KIF13A: variants seen among roughly 807,000 people sequenced by gnomAD.
KIF13A encodes kinesin family member 13A.
Under a neutral mutation model 212.2 loss-of-function variants are expected in KIF13A, and 79 were observed. The observed-to-expected ratio is 0.37, with a 90% CI of 0.31 to 0.45. The LOEUF (loss-of-function observed/expected upper bound fraction) is 0.45. KIF13A is among the 20% of genes least tolerant of loss of function. KIF13A has a pLI of 1.00. For synonymous variants in KIF13A, 789 were observed against 808.6 expected, an observed-to-expected ratio of 0.98 and a Z score of 0.41; for missense variants, 1,901 against 2,209.0, an observed-to-expected ratio of 0.86 and a Z score of 2.79.
At chr6:17,846,130 A>G (rs1473216537) in intron 9 of KIF13A, among the ~76,000 whole-genome samples, 1 of 114,722 alleles carries the variant, frequency 8.7e-6, no homozygotes, top group African/African-American at 3.5e-5. Flanking sequence ...TGATTTTTGT[A>G]TTTTTAGTAA....
intron 3 of KIF13A, among the ~76,000 whole-genome samples, chr6:17,896,516 G>C (rs1196677082): frequency 3.9e-5 from 6 of 152,152 alleles, no homozygotes; most frequent in South Asian, 2.1e-4. Context: ...TGATTCTATT[G>C]TGTCATTTAT....
intron 3 of KIF13A, among the ~76,000 whole-genome samples, chr6:17,893,739 T>C (rs534634358): frequency 2.6e-5 from 4 of 152,240 alleles, no homozygotes; most frequent in South Asian, 2.1e-4. Flanking sequence ...TTTTATCATA[T>C]TGAGGTTTCT....
intron 20 of KIF13A, among the ~76,000 whole-genome samples, chr6:17,802,593 CTTTT>C (rs898441786): frequency 2.7e-5 from 4 of 148,390 alleles, no homozygotes; most frequent in African/African-American, 9.9e-5. Flanking sequence ...CCCGGCCAAG[CTTTT>C]TTTTTTCTTT....
chr6:17,855,295 G>A lies in KIF13A; in HGVS notation c.494+142C>T, dbSNP rs1322334996. ...TGGGTATACCAAAAGGCTTTGAGAAGCTGATGATTTTTCTGTAAATGAATG... is the reference window on the plus strand; with the variant it reads ...TGGGTATACCAAAAGGCTTTGAGAAACTGATGATTTTTCTGTAAATGAATG... On this transcript the variant is annotated intron_variant, in intron 6 of 38. Transcript: ENST00000259711. The surrounding 1 kb of genome is among the most constrained non-coding windows in gnomAD (Gnocchi z 4.1). The A allele has an allele frequency of 4.7e-6, 3 of 637,352 alleles. No homozygotes were observed. Among genetic ancestry groups the A allele is most frequent in the Non-Finnish European group, 7.8e-6 (3 of 383,866 alleles). 39.5% of individuals were successfully genotyped at this position (637,352 alleles called of 1,614,324 possible). A position where few individuals can be genotyped will look rare whatever the true frequency, so the allele number is the denominator to read the frequency against.
chr6:17,783,588 A>T lies in KIF13A; in HGVS notation c.3544+58T>A. The T allele has an allele frequency of 1.8e-6, 2 of 1,094,300 alleles. No homozygotes were observed. The highest frequency in any genetic ancestry group is 2.7e-6 in the Non-Finnish European group (2 of 731,306). The allele number at this position is 1,094,300 out of a possible 1,614,324, so 67.8% of individuals were successfully genotyped here. Reference sequence around the variant, plus strand: ...AAGGATCAAAATAATGTGAATCTGGATAGATTACAAACCTTAGTTAAATAC... The same window carrying T: ...AAGGATCAAAATAATGTGAATCTGGTTAGATTACAAACCTTAGTTAAATAC... On this transcript the variant is annotated intron_variant, in intron 29 of 38. Transcript: ENST00000259711. The surrounding 1 kb of genome is among the most constrained non-coding windows in gnomAD (Gnocchi z 4.3).
Position 17,768,944 on chromosome 6 carries a change from T to G in KIF13A, c.4581+2170A>C, listed in dbSNP as rs1364269264. ...CCCAAATTGATCAAACAACAAAATA[T>G]TGCTTAAAGAATCAAGCATAGCCAT... On this transcript the variant is annotated intron_variant, in intron 38 of 38. Coordinates refer to ENST00000259711, the MANE Select transcript of KIF13A (RefSeq NM_022113.6). This position sits in a 1 kb window ranked among gnomAD's most constrained non-coding sequence, Gnocchi z 5.4. 6.6e-6 allele frequency among the ~76,000 whole-genome samples: 1 copy of G among 152,180 alleles called. No individual in the cohort carries two copies. Among genetic ancestry groups the G allele is most frequent in the Non-Finnish European group, 1.5e-5 (1 of 68,012 alleles).
In KIF13A at chr6:17,763,881, T is replaced by C; in HGVS notation, c.*229A>G. On this transcript the variant is annotated 3_prime_UTR_variant, in exon 39 of 39. Transcript: ENST00000259711. ...GATTGATCCTTATCCATCTGAACAC[T>C]TCATTCAACACCAACCCATGTGCCA... The C allele has an allele frequency of 7.1e-7, 1 of 1,400,034 alleles. No homozygotes were observed. The highest frequency in any genetic ancestry group is 1.4e-5 in the African/African-American group (1 of 69,240). The allele number at this position is 1,400,034 out of a possible 1,614,324, so 86.7% of individuals were successfully genotyped here.
intron 28 of KIF13A, among the ~76,000 whole-genome samples, chr6:17,784,112 C>T (rs1760842644): frequency 6.6e-6 from 1 of 152,180 alleles, no homozygotes; most frequent in Non-Finnish European, 1.5e-5. Flanking sequence ...AGAGACCAAG[C>T]AGTGTTTTAT....
intron 2 of KIF13A, among the ~76,000 whole-genome samples, chr6:17,975,215 G>A (rs544193223): frequency 4.6e-5 from 7 of 152,236 alleles, no homozygotes; most frequent in African/African-American, 1.4e-4. Flanking sequence ...CTAGCAGGCG[G>A]GGTGGCAGGT....
At chr6:17,800,966 T>C (rs1055589123) in intron 20 of KIF13A, among the ~76,000 whole-genome samples, 20 of 151,880 alleles carry the variant, frequency 1.3e-4, no homozygotes, top group African/African-American at 4.6e-4. Flanking sequence ...ACTCCTGACC[T>C]TGTGATCTGC....
At position 17,828,499 on chromosome 6, in the gene KIF13A, T is replaced by A; in HGVS notation, c.1402-129A>T. 1.4e-6 allele frequency: 1 copy of A among 701,516 alleles called. No individual in the cohort carries two copies. Among genetic ancestry groups the A allele is most frequent in the Non-Finnish European group, 2.2e-6 (1 of 449,724 alleles). 43.5% of individuals were successfully genotyped at this position (701,516 alleles called of 1,614,324 possible). A position where few individuals can be genotyped will look rare whatever the true frequency, so the allele number is the denominator to read the frequency against. On this transcript the variant is annotated intron_variant, in intron 13 of 38. Coordinates refer to ENST00000259711, the MANE Select transcript of KIF13A (RefSeq NM_022113.6). This position sits in a 1 kb window ranked among gnomAD's most constrained non-coding sequence, Gnocchi z 4.3. ...ATTAAACGAATCCTGCCAGAGATGTTAAATATCTTAAGCATTAAAAGTAAA... is the reference window on the plus strand; with the variant it reads ...ATTAAACGAATCCTGCCAGAGATGTAAAATATCTTAAGCATTAAAAGTAAA...
chr6:17,978,308 T>C (rs1005692155), intron 2 of KIF13A, among the ~76,000 whole-genome samples: 9 of 152,240 alleles, frequency 5.9e-5, no homozygotes, highest in Non-Finnish European at 1.3e-4. Flanking sequence ...AAACACCAAA[T>C]AAACTAATTT....
At position 17,768,361 on chromosome 6, in the gene KIF13A, C is replaced by T. The variant is rs993215980; in HGVS notation, c.4581+2753G>A. Among the ~76,000 whole-genome samples, 3 of 152,208 alleles carry T rather than the reference C, an allele frequency of 2.0e-5. No homozygotes were observed. Among genetic ancestry groups the T allele is most frequent in the African/African-American group, 7.2e-5 (3 of 41,450 alleles). On this transcript the variant is annotated intron_variant, in intron 38 of 38. Coordinates refer to ENST00000259711, the MANE Select transcript of KIF13A (RefSeq NM_022113.6). The surrounding 1 kb of genome is among the most constrained non-coding windows in gnomAD (Gnocchi z 5.4). ...CTTATGCAGCTGATATTTACCTATA[C>T]AGAAAACACCTTGATTTTAAAAAGG...
intron 33 of KIF13A, among the ~76,000 whole-genome samples, chr6:17,778,263 CATTTGCAAA>C (rs1301376201): frequency 2.0e-5 from 3 of 152,178 alleles, no homozygotes; most frequent in African/African-American, 7.2e-5. Flanking sequence ...CTATGTATCT[CATTTGCAAA>C]ATGACAATGA....
At chr6:17,922,706 G>A (rs1431734494) in intron 2 of KIF13A, among the ~76,000 whole-genome samples, 2 of 151,576 alleles carry the variant, frequency 1.3e-5, no homozygotes, top group African/African-American at 2.4e-5. Context: ...CTAAAACATG[G>A]GTTATCTGTG....
intron 20 of KIF13A, among the ~76,000 whole-genome samples, chr6:17,803,366 C>T (rs1198169712): frequency 6.6e-6 from 1 of 152,100 alleles, no homozygotes; most frequent in Non-Finnish European, 1.5e-5. Flanking sequence ...TCCTCTGGAG[C>T]AGAATGTCCA....
intron 19 of KIF13A, among the ~76,000 whole-genome samples, chr6:17,805,107 G>T (rs1762828723): frequency 6.6e-6 from 1 of 151,990 alleles, no homozygotes; most frequent in African/African-American, 2.4e-5. Flanking sequence ...ACACATTAAT[G>T]AATGCGAAAT....
chr6:17,930,571 T>C (rs1010598656), intron 2 of KIF13A, among the ~76,000 whole-genome samples: 2 of 152,202 alleles, frequency 1.3e-5, no homozygotes, highest in Admixed American at 6.5e-5. Context: ...AAAGGCTGAG[T>C]GGTACTGCCA....
chr6:17,813,427 C>T (rs188923283), intron 17 of KIF13A, among the ~76,000 whole-genome samples: 86 of 152,092 alleles, frequency 5.7e-4, no homozygotes, highest in African/African-American at 1.9e-3. Flanking sequence ...TTGCAGTGAG[C>T]GGATATCATG....
Sources: gnomAD v4.1 joint callset for allele counts (sites outside exome capture counted in the v4.1 genomes callset) on GRCh38, gnomAD v4.1.1 for gene constraint, Gnocchi (gnomAD v3.1) non-coding constraint, MANE v1.5 for transcripts, NCBI Gene and HGNC (gene_info 2026-07-23, HGNC 2026-07-21) for gene names.